Variants in PLB1 observed in about 807,000 individuals in gnomAD.
PLB1 encodes phospholipase B1, membrane-associated.
In PLB1, 242 loss-of-function variants were observed where a neutral mutation model predicts 227.4. The observed-to-expected ratio is 1.06, with a 90% CI of 0.96 to 1.18. The LOEUF is 1.18. Ranked by LOEUF, PLB1 falls within the 50% of genes most tolerant of loss-of-function variation. The probability of loss-of-function intolerance (pLI) is 0.00; values close to 1 mark genes in which losing one functional copy is unlikely to be tolerated. For missense variants in PLB1, 1,858 were observed against 1,816.3 expected, an observed-to-expected ratio of 1.02 and a Z score of -0.42; for synonymous variants, 757 against 682.2, an observed-to-expected ratio of 1.11 and a Z score of -1.71.
chr2:28,555,577 G>A (rs1674947773), intron 17 of PLB1, among the ~76,000 whole-genome samples: 1 of 152,104 alleles, frequency 6.6e-6, no homozygotes, highest in African/African-American at 2.4e-5. Flanking sequence ...ACACTCTTCT[G>A]GAGATCATGT....
chr2:28,584,719 T>C (rs879921183), intron 25 of PLB1, among the ~76,000 whole-genome samples: 2 of 152,086 alleles, frequency 1.3e-5, no homozygotes, highest in Non-Finnish European at 2.9e-5. Context: ...TGTGCTTTCC[T>C]CTGCAGTGCT....
intron 38 of PLB1, 79 bp downstream of exon 38, chr2:28,602,043 A>C: frequency 7.5e-7 from 1 of 1,337,852 alleles, no homozygotes; most frequent in Non-Finnish European, 1.1e-6. Flanking sequence ...AGAATGAGAG[A>C]AGAACCCCTT....
At chr2:28,523,004 A>G (rs542329729) in intron 4 of PLB1, among the ~76,000 whole-genome samples, 2 of 152,332 alleles carry the variant, frequency 1.3e-5, no homozygotes, top group South Asian at 4.1e-4. Context: ...AGCATTCTGT[A>G]ACCTAGGTAT....
chr2:28,620,454 A>G (rs1686872053), intron 47 of PLB1, 122 bp downstream of exon 47: 2 of 1,339,222 alleles, frequency 1.5e-6, no homozygotes, highest in South Asian at 2.8e-5. Flanking sequence ...CTGAGACAGG[A>G]GACTCAATGC....
At chr2:28,563,915 A>G (rs1676438623) in intron 18 of PLB1, among the ~76,000 whole-genome samples, 1 of 152,162 alleles carries the variant, frequency 6.6e-6, no homozygotes, top group Non-Finnish European at 1.5e-5. Flanking sequence ...TCTTCATGAC[A>G]AAATCCTGTG....
At chr2:28,522,717 G>C (rs1669682961) in intron 4 of PLB1, among the ~76,000 whole-genome samples, 1 of 152,050 alleles carries the variant, frequency 6.6e-6, no homozygotes. Context: ...GCTGTCACTC[G>C]GCCCCCCCTT....
At position 28,598,185 on chromosome 2, in the gene PLB1, A is replaced by G. The variant is rs1051712191; in HGVS notation, c.2365+137A>G. On this transcript the variant is annotated intron_variant, in intron 34 of 57. Coordinates refer to ENST00000327757, the MANE Select transcript of PLB1 (RefSeq NM_153021.5). ...GCATTTAAGTAGGAGACAGGAGGCT[A>G]TGAAAAAGCAGCCGAGGCAGGTAAA... The G allele has an allele frequency of 2.2e-5, 16 of 718,898 alleles. No individual in the cohort carries two copies. The African/African-American group carries it at 2.7e-4, about 12-fold the overall frequency. The allele number at this position is 718,898 out of a possible 1,614,324, so 44.5% of individuals were successfully genotyped here. A position where few individuals can be genotyped will look rare whatever the true frequency, so the allele number is the denominator to read the frequency against.
chr2:28,597,642 C>T (rs1683177335), intron 33 of PLB1, among the ~76,000 whole-genome samples: 1 of 152,174 alleles, frequency 6.6e-6, no homozygotes, highest in African/African-American at 2.4e-5. Flanking sequence ...CTCTGTGCAC[C>T]TCATTTTCTT....
At chr2:28,606,317 A>G (rs535578966) in intron 42 of PLB1, among the ~76,000 whole-genome samples, 179 bp from the exon 43 acceptor site, 1 of 152,342 alleles carries the variant, frequency 6.6e-6, no homozygotes, top group East Asian at 1.9e-4. Flanking sequence ...AGCTACTCCC[A>G]GAGAAGCAAA....
intron 14 of PLB1, among the ~76,000 whole-genome samples, chr2:28,544,904 A>T (rs1336123323): frequency 6.6e-6 from 1 of 152,128 alleles, no homozygotes; most frequent in East Asian, 1.9e-4. Context: ...CACCAGACAG[A>T]GAAGCTGGAG....
chr2:28,569,800 A>C (rs1677688906), intron 20 of PLB1, among the ~76,000 whole-genome samples: 1 of 151,872 alleles, frequency 6.6e-6, no homozygotes, highest in Non-Finnish European at 1.5e-5. Context: ...CCCCGTCTCT[A>C]CTAAAAATAT....
chr2:28,567,529 A>T (rs1000520003), intron 20 of PLB1, among the ~76,000 whole-genome samples: 1 of 124,454 alleles, frequency 8.0e-6, no homozygotes, highest in African/African-American at 3.2e-5. Flanking sequence ...TGGAGTGCAG[A>T]GTGGCGCCAT....
chr2:28,522,586 G>A (rs1398289034), intron 4 of PLB1, among the ~76,000 whole-genome samples: 2 of 152,142 alleles, frequency 1.3e-5, no homozygotes, highest in Non-Finnish European at 2.9e-5. Context: ...CTTCTGCCTG[G>A]GGCAGGGAAA....
At chr2:28,510,916 C>G (rs1403487760) in intron 1 of PLB1, among the ~76,000 whole-genome samples, 2 of 152,086 alleles carry the variant, frequency 1.3e-5, no homozygotes, top group Non-Finnish European at 2.9e-5. Flanking sequence ...GCATGAGCCA[C>G]TGTGCCTGGC....
intron 20 of PLB1, 110 bp downstream of exon 20, chr2:28,566,949 C>A: frequency 7.8e-7 from 1 of 1,285,038 alleles, no homozygotes; most frequent in Non-Finnish European, 1.1e-6. Flanking sequence ...TGCAGGAGCC[C>A]GCTAAATTCA....
At chr2:28,636,352 C>G (rs1243736096) in intron 56 of PLB1, among the ~76,000 whole-genome samples, 1 of 152,174 alleles carries the variant, frequency 6.6e-6, no homozygotes, top group Non-Finnish European at 1.5e-5. Flanking sequence ...GTGTGAGCCA[C>G]AATGCTTGGC....
intron 1 of PLB1, among the ~76,000 whole-genome samples, chr2:28,509,525 T>G (rs1395144273): frequency 1.3e-5 from 2 of 152,216 alleles, no homozygotes; most frequent in Non-Finnish European, 2.9e-5. Flanking sequence ...AAGCCTGATG[T>G]CTCCATGGTG....
intron 9 of PLB1, among the ~76,000 whole-genome samples, chr2:28,532,509 G>T (rs1345320846): frequency 6.6e-6 from 1 of 152,182 alleles, no homozygotes; most frequent in Non-Finnish European, 1.5e-5. Context: ...AGTGACATTA[G>T]ATAATTCATA....
intron 1 of PLB1, among the ~76,000 whole-genome samples, chr2:28,508,462 GA>G (rs1032039405): frequency 6.6e-6 from 1 of 152,158 alleles, no homozygotes; most frequent in Non-Finnish European, 1.5e-5. Context: ...AATTTTAATG[GA>G]GCAGTCAGCC....
Sources: allele counts gnomAD v4.1 joint callset (sites outside exome capture counted in the v4.1 genomes callset), GRCh38; gene constraint gnomAD v4.1.1; transcripts MANE v1.5; gene names NCBI Gene and HGNC (gene_info 2026-07-23, HGNC 2026-07-21).